FBXO33: variants seen among roughly 807,000 people sequenced by gnomAD.
The protein encoded by FBXO33 is F-box only protein 33.
In FBXO33, 22 loss-of-function variants were observed where a neutral mutation model predicts 46.3. The ratio of observed to expected loss-of-function variants is 0.48; its 90% CI spans 0.34 to 0.68. The LOEUF (loss-of-function observed/expected upper bound fraction) is 0.68, where lower values mean the gene tolerates loss of function less well. FBXO33 is among the 30% of genes least tolerant of loss of function. The pLI is 0.01. For missense variants in FBXO33, 692 were observed against 708.8 expected (o/e 0.98, Z 0.27); for synonymous variants, 337 against 291.3 (o/e 1.16, Z -1.60).
At chr14:39,419,338 C>G (rs1183394613) in intron 1 of FBXO33, among the ~76,000 whole-genome samples, 1 of 152,160 alleles carries the variant, frequency 6.6e-6, no homozygotes, top group African/African-American at 2.4e-5. Context: ...AAAACAGTAA[C>G]TTTAAAAGTT....
At chr14:39,403,139 A>G (rs1205444212) in intron 1 of FBXO33, among the ~76,000 whole-genome samples, 1 of 152,194 alleles carries the variant, frequency 6.6e-6, no homozygotes, top group Non-Finnish European at 1.5e-5. Context: ...CAATATAAAC[A>G]TGTCTCAAAC....
rs919416573 is a variant in FBXO33, at chr14:39,432,041, A to T, written c.122T>A (p.Leu41Gln). Residue 41 changes from leucine (L) to glutamine (Q), a missense_variant, in exon 1 of 4, where the codon CTG (leucine) becomes CAG (glutamine). Leu to Gln is a moderately radical substitution (Grantham distance 113). Around this residue, in one of 3 missense-constraint regions of FBXO33, gnomAD observed 412 missense variants for 370.8 expected, o/e 1.11. Coordinates refer to ENST00000298097, the MANE Select transcript of FBXO33 (RefSeq NM_203301.4). ...CGGCCGCCCCCGCAGTACCCGGAGC[A>T]GCCCCCGCAGCCGTCGCAGCTGCTG... is the stretch of plus-strand genomic sequence containing the variant. ...RLQQLRRLRG[L>Q]LRVLRGRPGA... 7.7e-7 allele frequency: 1 copy of T among 1,292,110 alleles called. No homozygotes were observed. The highest frequency in any genetic ancestry group is 1.6e-5 in the African/African-American group (1 of 64,262). The allele number at this position is 1,292,110 out of a possible 1,614,324, so 80.0% of individuals were successfully genotyped here.
chr14:39,405,119 A>T, intron 1 of FBXO33, among the ~76,000 whole-genome samples: 1 of 130,312 alleles, frequency 7.7e-6, no homozygotes, highest in East Asian at 2.4e-4. Context: ...ATTGCGTGTG[A>T]TTCTGTCTCA....
intron 1 of FBXO33, among the ~76,000 whole-genome samples, chr14:39,421,552 C>T (rs1285548775): frequency 6.6e-6 from 1 of 151,894 alleles, no homozygotes; most frequent in Non-Finnish European, 1.5e-5. Context: ...TTATACGAAG[C>T]AGAAAAGTCA....
chr14:39,422,919 C>T (rs865787077), intron 1 of FBXO33, among the ~76,000 whole-genome samples: 14 of 152,132 alleles, frequency 9.2e-5, no homozygotes, highest in African/African-American at 2.9e-4. Flanking sequence ...GTCAGGAGTT[C>T]GAGACCAGTC....
Position 39,399,265 on chromosome 14 carries a change from CTT to C in FBXO33, c.*249_*250del, listed in dbSNP as rs953568827. 1.7e-5 allele frequency: 5 copies of C among 296,090 alleles called. No homozygotes were observed. Among genetic ancestry groups the C allele is most frequent in the Non-Finnish European group, 3.1e-5 (5 of 161,480 alleles). The allele number at this position is 296,090 out of a possible 1,614,324, so 18.3% of individuals were successfully genotyped here. A position where few individuals can be genotyped will look rare whatever the true frequency, so the allele number is the denominator to read the frequency against. ...AAGTTAGCCAGCAACCTCAGACAAT[CTT>C]CGGCTGTATATCCTTAAGGTTTGGT... On this transcript the variant is annotated 3_prime_UTR_variant, in exon 4 of 4. Coordinates refer to ENST00000298097, the MANE Select transcript of FBXO33 (RefSeq NM_203301.4).
chr14:39,416,856 G>C (rs1036098918), intron 1 of FBXO33, among the ~76,000 whole-genome samples: 2 of 151,964 alleles, frequency 1.3e-5, no homozygotes, highest in Non-Finnish European at 2.9e-5. Context: ...GGTTACTAAA[G>C]AATTATTTTC....
intron 1 of FBXO33, among the ~76,000 whole-genome samples, chr14:39,404,582 T>G (rs1388520764): frequency 6.6e-6 from 1 of 152,080 alleles, no homozygotes; most frequent in Non-Finnish European, 1.5e-5. Flanking sequence ...CGCCTTGGCC[T>G]CCCAAAGTGC....
At chr14:39,414,076 T>C (rs1039435756) in intron 1 of FBXO33, among the ~76,000 whole-genome samples, 7 of 152,244 alleles carry the variant, frequency 4.6e-5, no homozygotes, top group African/African-American at 1.7e-4. Flanking sequence ...CTAGATGGTA[T>C]CTTCTTGCAA....
intron 1 of FBXO33, among the ~76,000 whole-genome samples, chr14:39,405,489 A>AT (rs1401939589): frequency 7.4e-5 from 10 of 135,454 alleles, no homozygotes; most frequent in Admixed American, 4.4e-4. Context: ...AAATCAGGGA[A>AT]TTTTTTGGGG....
At chr14:39,403,803 CT>C (rs36096381) in intron 1 of FBXO33, among the ~76,000 whole-genome samples, 47,944 of 138,214 alleles carry the variant, frequency 0.35, 8,808 homozygotes, top group African/African-American at 0.54. Context: ...AATACCATTT[CT>C]TTTTTTTTTT....
chr14:39,414,457 T>C (rs1232670460), intron 1 of FBXO33, among the ~76,000 whole-genome samples: 1 of 152,244 alleles, frequency 6.6e-6, no homozygotes, highest in Admixed American at 6.5e-5. Context: ...GTACCACTTA[T>C]ACTTTCTTTC....
rs544508026 is a variant in FBXO33 at position 39,421,452 on chromosome 14, T to A, written c.599+10112A>T. Among the ~76,000 whole-genome samples the A allele has an allele frequency of 4.6e-5, 7 of 152,152 alleles. No homozygotes were observed. In the South Asian group the frequency reaches 8.3e-4, roughly 18 times the overall value. ...ATAGGGAGTACCACTGGCTTCTTCC[T>A]TTCTGCTCAGTCCTACCACATATGG... On this transcript the variant is annotated intron_variant, in intron 1 of 3. Transcript: ENST00000298097.
chr14:39,405,428 G>C (rs2075391000), intron 1 of FBXO33, among the ~76,000 whole-genome samples: 1 of 151,738 alleles, frequency 6.6e-6, no homozygotes, highest in South Asian at 2.1e-4. Context: ...TCTGGGTTGT[G>C]TTAACATGGT....
intron 1 of FBXO33, among the ~76,000 whole-genome samples, chr14:39,429,768 T>C (rs567651966): frequency 6.6e-6 from 1 of 152,320 alleles, no homozygotes; most frequent in East Asian, 1.9e-4. Flanking sequence ...ATAGAAGTGA[T>C]AGCTGACCCA....
chr14:39,424,977 G>A (rs1330454996), intron 1 of FBXO33, among the ~76,000 whole-genome samples: 5 of 152,082 alleles, frequency 3.3e-5, no homozygotes, highest in Non-Finnish European at 5.9e-5. Flanking sequence ...GCTTCCACCT[G>A]GGAGTCAGAG....
At chr14:39,417,994 A>G (rs2075457565) in intron 1 of FBXO33, among the ~76,000 whole-genome samples, 1 of 152,160 alleles carries the variant, frequency 6.6e-6, no homozygotes, top group African/African-American at 2.4e-5. Context: ...ATTTTGTAGA[A>G]GGATGCATCA....
At chr14:39,428,478 A>C (rs1407081044) in intron 1 of FBXO33, among the ~76,000 whole-genome samples, 2 of 152,168 alleles carry the variant, frequency 1.3e-5, no homozygotes, top group African/African-American at 4.8e-5. Flanking sequence ...CTGTCATTAC[A>C]GGTGTGAGCC....
intron 1 of FBXO33, among the ~76,000 whole-genome samples, chr14:39,423,789 T>C (rs1402300137): frequency 1.3e-5 from 2 of 152,214 alleles, no homozygotes; most frequent in Non-Finnish European, 2.9e-5. Flanking sequence ...TCTAGGGCTC[T>C]AGTAATGTTC....
Sources: allele counts gnomAD v4.1 joint callset (sites outside exome capture counted in the v4.1 genomes callset), GRCh38; gene constraint gnomAD v4.1.1; regional missense constraint gnomAD v4.1.1; transcripts MANE v1.5; gene names NCBI Gene and HGNC (gene_info 2026-07-23, HGNC 2026-07-21).